PCDHGB3: variants seen among roughly 807,000 people sequenced by gnomAD.
The protein encoded by PCDHGB3 is protocadherin gamma-B3.
In PCDHGB3, 40 loss-of-function variants were observed where a neutral mutation model predicts 59.2. The ratio of observed to expected loss-of-function variants is 0.68; its 90% CI spans 0.52 to 0.88. PCDHGB3 has a LOEUF of 0.88. Ranked by LOEUF, PCDHGB3 falls within the 40% of genes least tolerant of loss-of-function variation. PCDHGB3 has a pLI of 0.00. For synonymous variants in PCDHGB3, 581 were observed against 503.6 expected (o/e 1.15, Z -2.06); for missense variants, 1,309 against 1,187.9 (o/e 1.10, Z -1.50).
At position 141,371,072 on chromosome 5, in the gene PCDHGB3, C is replaced by T. The variant is rs1456354595; in HGVS notation, c.678C>T (p.Thr226=). The T allele has an allele frequency of 1.9e-6, 3 of 1,613,886 alleles. No individual in the cohort carries two copies. Among genetic ancestry groups the T allele is most frequent in the South Asian group, 1.1e-5 (1 of 91,066 alleles). ...DGGEPSRSCT[T]QIRVIVADAN... ...GCGAGCCCTCCAGAAGCTGTACCAC[C>T]CAGATCAGGGTAATTGTCGCAGATG... Residue 226 remains threonine, a synonymous_variant, in exon 1 of 4, where the codon ACC becomes ACT. Coordinates refer to ENST00000576222, the MANE Select transcript of PCDHGB3 (RefSeq NM_018924.5).
At chr5:141,505,352 C>CG in intron 2 of PCDHGB3, 41 bp from the exon 3 acceptor site, 1 of 1,613,302 alleles carries the variant, frequency 6.2e-7, no homozygotes, top group East Asian at 2.2e-5. Context: ...TGAGCTGTGC[C>CG]GGCCTGGGAG....
chr5:141,409,820 C>T (rs1276944982), intron 1 of PCDHGB3: 4 of 1,610,926 alleles, frequency 2.5e-6, no homozygotes, highest in Non-Finnish European at 3.4e-6. Flanking sequence ...CCACGGCTCG[C>T]CCACGCTCAG....
chr5:141,414,469 G>T (rs944183814), intron 1 of PCDHGB3: 1 of 1,613,742 alleles, frequency 6.2e-7, no homozygotes, highest in African/African-American at 1.3e-5. Context: ...CACAGATGGG[G>T]GAAGTCCTCC....
intron 2 of PCDHGB3, among the ~76,000 whole-genome samples, chr5:141,502,186 CA>C (rs1470455379): frequency 1.3e-5 from 2 of 152,148 alleles, no homozygotes; most frequent in Non-Finnish European, 2.9e-5. Context: ...AACATTAATA[CA>C]ATAATATAGA....
chr5:141,389,494 C>T (rs1300548775), intron 1 of PCDHGB3: 2 of 1,613,058 alleles, frequency 1.2e-6, no homozygotes, highest in East Asian at 2.2e-5. Context: ...GACCAGGGCT[C>T]GCCAGCGCTC....
chr5:141,403,856 T>A, intron 1 of PCDHGB3: 1 of 1,613,604 alleles, frequency 6.2e-7, no homozygotes, highest in Non-Finnish European at 8.5e-7. Context: ...TGGGGAAATA[T>A]CAACAGCAAA....
At chr5:141,400,500 C>T (rs1025270322) in intron 1 of PCDHGB3, 1 of 1,613,922 alleles carries the variant, frequency 6.2e-7, no homozygotes, top group Non-Finnish European at 8.5e-7. Flanking sequence ...GTAATTCCAG[C>T]GAGTCGACTT....
intron 2 of PCDHGB3, among the ~76,000 whole-genome samples, chr5:141,501,109 C>G (rs909874167): frequency 2.0e-5 from 3 of 152,106 alleles, no homozygotes; most frequent in Non-Finnish European, 4.4e-5. Context: ...CCTCGTGATC[C>G]GCCTGCCTCA....
intron 1 of PCDHGB3, chr5:141,433,331 C>G: frequency 1.4e-6 from 1 of 699,624 alleles, no homozygotes; most frequent in South Asian, 1.9e-5. Context: ...GTAACAGGGA[C>G]TACAGGTGCA....
At chr5:141,403,214 G>A in intron 1 of PCDHGB3, 5 of 1,613,990 alleles carry the variant, frequency 3.1e-6, no homozygotes, top group Non-Finnish European at 4.2e-6. Context: ...GGTCACCGCG[G>A]GTAGGATAGA....
chr5:141,404,000 A>T (rs758512396), intron 1 of PCDHGB3: 2 of 1,613,956 alleles, frequency 1.2e-6, no homozygotes, highest in South Asian at 1.1e-5. Context: ...AGTGACCATT[A>T]CATCTCTGTT....
rs765819865 is a variant in PCDHGB3, at chr5:141,394,837, TG to T, written c.2415+22031del. ...AGCATCCCCGAAGTCCTGACCGAGT[TG>T]GGCAGTCTGAAGCCTTCGGTCGACC... On this transcript the variant is annotated intron_variant, in intron 1 of 3. Transcript: ENST00000576222. The T allele has an allele frequency of 1.9e-6, 3 of 1,613,824 alleles. No homozygotes were observed. The South Asian group carries it at 3.3e-5, about 18-fold the overall frequency.
intron 1 of PCDHGB3, chr5:141,420,184 A>G: frequency 5.0e-6 from 8 of 1,613,990 alleles, no homozygotes; most frequent in Non-Finnish European, 6.8e-6. Context: ...ATCATTGTCC[A>G]GCCACACAAG....
intron 1 of PCDHGB3, chr5:141,410,537 A>G (rs772317770): frequency 1.1e-5 from 17 of 1,613,760 alleles, no homozygotes; most frequent in African/African-American, 1.3e-5. Flanking sequence ...CAATGAAGAC[A>G]TGGTTTGCAG....
At position 141,430,558 on chromosome 5, in the gene PCDHGB3, G is replaced by A. The variant is rs1472516429; in HGVS notation, c.2415+57749G>A. 2.2e-5 allele frequency: 9 copies of A among 417,488 alleles called. No homozygotes were observed. In the East Asian group the frequency reaches 3.3e-4, roughly 15 times the overall value. The allele number at this position is 417,488 out of a possible 1,614,324, so 25.9% of individuals were successfully genotyped here. On this transcript the variant is annotated intron_variant, in intron 1 of 3. Transcript: ENST00000576222. ...TCTGAGCGCCGCTGTTCACCAATCGGGGAGAGAAAAGCGGAGATCCTGCTC... is the reference window on the plus strand; with the variant it reads ...TCTGAGCGCCGCTGTTCACCAATCGAGGAGAGAAAAGCGGAGATCCTGCTC...
At position 141,431,998 on chromosome 5, in the gene PCDHGB3, A is replaced by G. The variant is rs201105272; in HGVS notation, c.2415+59189A>G. The G allele has an allele frequency of 1.2e-6, 2 of 1,614,176 alleles. No homozygotes were observed. Among genetic ancestry groups the G allele is most frequent in the Admixed American group, 1.7e-5 (1 of 60,030 alleles). On this transcript the variant is annotated intron_variant, in intron 1 of 3. Coordinates refer to ENST00000576222, the MANE Select transcript of PCDHGB3 (RefSeq NM_018924.5). This position sits in a 1 kb window ranked among gnomAD's most constrained non-coding sequence, Gnocchi z 4.8. The stretch of plus-strand genomic sequence containing the variant: ...TCACAGACATAGTCTTGGATAGGGA[A>G]CAGGTTCCTAGCTACAACATCACAG...
intron 1 of PCDHGB3, chr5:141,376,383 A>G: frequency 5.0e-6 from 8 of 1,614,228 alleles, no homozygotes; most frequent in Non-Finnish European, 6.8e-6. Flanking sequence ...CGTAAGAGTC[A>G]TCTGATTTTC....
At chr5:141,421,449 G>A (rs2096574013) in intron 1 of PCDHGB3, 2 of 1,614,010 alleles carry the variant, frequency 1.2e-6, no homozygotes, top group African/African-American at 1.3e-5. Flanking sequence ...GGAAGACACA[G>A]CTTTTCGCTG....
chr5:141,462,646 A>G (rs1371582710), intron 1 of PCDHGB3, among the ~76,000 whole-genome samples: 1 of 137,316 alleles, frequency 7.3e-6, no homozygotes, highest in Non-Finnish European at 1.5e-5. Flanking sequence ...TTTCATTTCC[A>G]TCCTCAATTA....
Sources: gnomAD v4.1 joint callset for allele counts (sites outside exome capture counted in the v4.1 genomes callset) on GRCh38, gnomAD v4.1.1 for gene constraint, Gnocchi (gnomAD v3.1) non-coding constraint, MANE v1.5 for transcripts, NCBI Gene and HGNC (gene_info 2026-07-23, HGNC 2026-07-21) for gene names.